Variants in CCDC6 observed in about 807,000 individuals in gnomAD.
CCDC6 encodes the protein coiled-coil domain containing 6.
Under a neutral mutation model 56.6 loss-of-function variants are expected in CCDC6, and 20 were observed. The observed-to-expected ratio is 0.35, with a 90% confidence interval of 0.25 to 0.51. The LOEUF is 0.51. CCDC6 is among the 20% of genes least tolerant of loss of function. The probability of loss-of-function intolerance (pLI) is 0.95; values close to 1 mark genes in which losing one functional copy is unlikely to be tolerated. For synonymous variants in CCDC6, 241 were observed against 234.4 expected, an observed-to-expected ratio of 1.03 and a Z score of -0.26; for missense variants, 367 against 601.1, an observed-to-expected ratio of 0.61 and a Z score of 4.07.
chr10:59,877,319 G>C lies in CCDC6; in HGVS notation c.304-24617C>G, dbSNP rs201057909. Among the ~76,000 whole-genome samples, 12 of 152,134 alleles carry C rather than the reference G, an allele frequency of 7.9e-5. No individual in the cohort carries two copies. The East Asian group carries it at 2.1e-3, about 27-fold the overall frequency. On this transcript the variant is annotated intron_variant, in intron 1 of 8. Coordinates refer to ENST00000263102, the MANE Select transcript of CCDC6 (RefSeq NM_005436.5). ...TTTGAAACAAGAGTAGGATGTCTGCGATCATCAATATGACTCAACGTAGTA... is the reference window on the plus strand; with the variant it reads ...TTTGAAACAAGAGTAGGATGTCTGCCATCATCAATATGACTCAACGTAGTA...
intron 1 of CCDC6, among the ~76,000 whole-genome samples, chr10:59,898,641 A>G (rs746581541): frequency 6.6e-5 from 10 of 152,236 alleles, no homozygotes; most frequent in Non-Finnish European, 1.3e-4. Flanking sequence ...GGCTGAATGA[A>G]AGTCAAGTGC....
chr10:59,902,675 C>T (rs1026446764), intron 1 of CCDC6, among the ~76,000 whole-genome samples: 1 of 152,178 alleles, frequency 6.6e-6, no homozygotes, highest in Non-Finnish European at 1.5e-5. Context: ...GCTGGGATTA[C>T]AGGCATGAGC....
At chr10:59,862,536 CACACACACACACACACACACAT>C (rs2071140691) in intron 1 of CCDC6, among the ~76,000 whole-genome samples, 1 of 109,014 alleles carries the variant, frequency 9.2e-6, no homozygotes, top group African/African-American at 4.6e-5. Context: ...CACACACACA[CACACACACACACACACACACAT>C]ATATATACAC....
intron 1 of CCDC6, among the ~76,000 whole-genome samples, chr10:59,862,516 T>TATACACACAC (rs1554886091): frequency 1.5e-4 from 15 of 97,190 alleles, no homozygotes; most frequent in African/African-American, 7.4e-4. Context: ...TATATATATA[T>TATACACACAC]ACACACACAC....
Position 59,906,537 on chromosome 10 carries a change from C to T in CCDC6, c.-113G>A. 1.1e-6 allele frequency: 1 copy of T among 943,718 alleles called. No homozygotes were observed. 58.5% of individuals were successfully genotyped at this position (943,718 alleles called of 1,614,324 possible). A position where few individuals can be genotyped will look rare whatever the true frequency, so the allele number is the denominator to read the frequency against. On this transcript the variant is annotated 5_prime_UTR_variant, in exon 1 of 9. Coordinates refer to ENST00000263102, the MANE Select transcript of CCDC6 (RefSeq NM_005436.5). ...GCACAGGGGAGCGCCGAGCTGAGCGCCTGGCACCAGGGCGCAGACTCGGAG... is the reference window on the plus strand; with the variant it reads ...GCACAGGGGAGCGCCGAGCTGAGCGTCTGGCACCAGGGCGCAGACTCGGAG...
chr10:59,856,446 T>C (rs899838796), intron 1 of CCDC6, among the ~76,000 whole-genome samples: 4 of 152,120 alleles, frequency 2.6e-5, no homozygotes, highest in Non-Finnish European at 5.9e-5. Flanking sequence ...GTATTAAGTG[T>C]CCATTTGACT....
intron 3 of CCDC6, among the ~76,000 whole-genome samples, chr10:59,821,218 T>C (rs2070747540): frequency 6.6e-6 from 1 of 152,172 alleles, no homozygotes; most frequent in Non-Finnish European, 1.5e-5. Flanking sequence ...TACCTATATA[T>C]TGGAAAGAAG....
intron 1 of CCDC6, among the ~76,000 whole-genome samples, chr10:59,870,910 G>A (rs751916243): frequency 6.6e-6 from 1 of 152,200 alleles, no homozygotes; most frequent in Non-Finnish European, 1.5e-5. Flanking sequence ...ACCATGAACT[G>A]AGCAGCTGTA....
In CCDC6 at chr10:59,893,110, T is replaced by C. The variant is rs561720840; in HGVS notation, c.303+13012A>G. Among the ~76,000 whole-genome samples the C allele has an allele frequency of 5.3e-5, 8 of 152,370 alleles. No homozygotes were observed. The East Asian group carries it at 1.5e-3, about 29-fold the overall frequency. ...GAATCCAGACACACAAAATACATTC[T>C]GTATAATTCCATTTATATGAAGTTC... On this transcript the variant is annotated intron_variant, in intron 1 of 8. Coordinates refer to ENST00000263102, the MANE Select transcript of CCDC6 (RefSeq NM_005436.5).
intron 1 of CCDC6, among the ~76,000 whole-genome samples, chr10:59,883,682 G>A (rs769977377): frequency 3.3e-5 from 5 of 152,102 alleles, no homozygotes; most frequent in Admixed American, 6.5e-5. Context: ...TTGGTTTCAC[G>A]TACACAAATT....
intron 1 of CCDC6, among the ~76,000 whole-genome samples, chr10:59,879,532 C>T (rs1489397564): frequency 6.6e-6 from 1 of 152,144 alleles, no homozygotes; most frequent in Non-Finnish European, 1.5e-5. Flanking sequence ...CACTCTGAGA[C>T]GATGACAAAG....
chr10:59,883,468 G>T (rs1228940590), intron 1 of CCDC6, among the ~76,000 whole-genome samples: 1 of 152,172 alleles, frequency 6.6e-6, no homozygotes, highest in Admixed American at 6.5e-5. Flanking sequence ...ATTCATGGCA[G>T]CCATCATCTC....
At chr10:59,835,911 G>T (rs1445388) in intron 2 of CCDC6, among the ~76,000 whole-genome samples, 1 of 151,754 alleles carries the variant, frequency 6.6e-6, no homozygotes, top group African/African-American at 2.4e-5. Context: ...AGATTAGCTG[G>T]ACACGGTGGT....
At chr10:59,814,623 C>CAT (rs747215372) in intron 4 of CCDC6, 29 bp downstream of exon 4, 2 of 1,339,338 alleles carry the variant, frequency 1.5e-6, no homozygotes, top group Non-Finnish European at 2.2e-6. Context: ...CACACACACA[C>CAT]CCATACTGAA....
intron 2 of CCDC6, among the ~76,000 whole-genome samples, chr10:59,849,114 G>A (rs144864989): frequency 1.2e-3 from 190 of 152,350 alleles, no homozygotes; most frequent in African/African-American, 4.4e-3. Flanking sequence ...GCATTCAAGA[G>A]TAGAATTTAG....
In CCDC6 at chr10:59,895,368, G is replaced by A. The variant is rs150495257; in HGVS notation, c.303+10754C>T. ...TTTATATGCCATCTTCCCACAGACT[G>A]TAGAAGCTCTGAGGTCAGACCTGGG... is the stretch of plus-strand genomic sequence containing the variant. On this transcript the variant is annotated intron_variant, in intron 1 of 8. Coordinates refer to ENST00000263102, the MANE Select transcript of CCDC6 (RefSeq NM_005436.5). Among the ~76,000 whole-genome samples, 262 of 152,310 alleles carry A rather than the reference G, an allele frequency of 1.7e-3. 1 individual carries two copies. Among genetic ancestry groups the A allele is most frequent in the Non-Finnish European group, 2.9e-3 (195 of 68,040 alleles).
rs2071142345 is a variant in CCDC6 at position 59,862,560 on chromosome 10, TATATACAC to T, written c.304-9866_304-9859del. Among the ~76,000 whole-genome samples, 2 of 86,464 alleles carry T rather than the reference TATATACAC, an allele frequency of 2.3e-5. 1 individual carries two copies. The highest frequency in any genetic ancestry group is 5.2e-5 in the Non-Finnish European group (2 of 38,810). 56.7% of individuals were successfully genotyped at this position (86,464 alleles called of 152,430 possible). On this transcript the variant is annotated intron_variant, in intron 1 of 8. Coordinates refer to ENST00000263102, the MANE Select transcript of CCDC6 (RefSeq NM_005436.5). ...ACACACACACACACACACACACATA[TATATACAC>T]ATACACACACACACACATATATAAA...
intron 1 of CCDC6, among the ~76,000 whole-genome samples, chr10:59,866,737 GTCCT>G (rs1334472790): frequency 5.3e-5 from 8 of 152,204 alleles, no homozygotes; most frequent in Admixed American, 3.3e-4. Flanking sequence ...AAGGCTCCTA[GTCCT>G]TCTATGGTCT....
intron 2 of CCDC6, among the ~76,000 whole-genome samples, chr10:59,848,751 T>A (rs572777087): frequency 2.0e-5 from 3 of 152,216 alleles, no homozygotes; most frequent in Non-Finnish European, 2.9e-5. Flanking sequence ...TCTCACTCTA[T>A]CCCCCAGGCT....
Sources: gnomAD v4.1 joint callset for allele counts (sites outside exome capture counted in the v4.1 genomes callset) on GRCh38, gnomAD v4.1.1 for gene constraint, MANE v1.5 for transcripts, NCBI Gene and HGNC (gene_info 2026-07-23, HGNC 2026-07-21) for gene names.